Variants in COL6A5 observed in about 807,000 individuals in gnomAD.
COL6A5 encodes the protein collagen alpha-5(VI) chain.
A neutral mutation model predicts 65.6 loss-of-function variants in COL6A5; 48 were observed. The observed-to-expected ratio is 0.73, with a 90% CI of 0.58 to 0.93. The LOEUF is 0.93. Among genes scored for constraint, COL6A5 ranks in the 40% least tolerant of loss-of-function variants. The pLI, the probability that COL6A5 is intolerant of heterozygous loss-of-function variation, is 0.00. For missense variants in COL6A5, 914 were observed against 928.3 expected (o/e 0.98, Z 0.20); for synonymous variants, 291 against 322.8 (o/e 0.90, Z 1.05).
intron 20 of COL6A5, among the ~76,000 whole-genome samples, chr3:130,412,407 G>A (rs765736864): frequency 4.6e-5 from 7 of 152,178 alleles, no homozygotes; most frequent in Non-Finnish European, 7.4e-5. Context: ...ACCACACTGG[G>A]TGAGGTTTAT....
chr3:130,434,358 C>T (rs1464324449), intron 1 of COL6A5, among the ~76,000 whole-genome samples: 1 of 152,180 alleles, frequency 6.6e-6, no homozygotes, highest in Non-Finnish European at 1.5e-5. Flanking sequence ...TGGGTTGGTT[C>T]CATGTCTTTG....
chr3:130,357,723 T>C (rs1022452112), intron 1 of COL6A5, among the ~76,000 whole-genome samples: 16 of 152,228 alleles, frequency 1.1e-4, no homozygotes, highest in African/African-American at 3.9e-4. Flanking sequence ...AAAGCATATG[T>C]GATCATTGTA....
chr3:130,475,010 A>G (rs1376113338), intron 7 of COL6A5, among the ~76,000 whole-genome samples: 1 of 88,780 alleles, frequency 1.1e-5, no homozygotes, highest in Admixed American at 1.2e-4. Context: ...ATGTCTCCAA[A>G]AAAAAAAAAA....
Position 130,450,263 on chromosome 3 carries a change from G to A in COL6A5, c.1333-5192G>A, listed in dbSNP as rs189451349. Among the ~76,000 whole-genome samples, 806 of 152,206 alleles carry A rather than the reference G, an allele frequency of 5.3e-3. 12 individuals are homozygous for A. Among genetic ancestry groups the A allele is most frequent in the African/African-American group, 0.019 (777 of 41,520 alleles). ...CCCGTTTCCCTGGTGTTGTGGCAGG[G>A]GGTTTCCATCTATATCATACTTAGA... On this transcript the variant is annotated intron_variant, in intron 4 of 7. Transcript: ENST00000512836.
chr3:130,364,480 C>G (rs1216756494), intron 1 of COL6A5, among the ~76,000 whole-genome samples: 1 of 152,052 alleles, frequency 6.6e-6, no homozygotes, highest in African/African-American at 2.4e-5. Flanking sequence ...AACAGTACAG[C>G]TAAATAGAGT....
intron 25 of COL6A5, among the ~76,000 whole-genome samples, chr3:130,419,329 G>A (rs989583475): frequency 6.6e-6 from 1 of 152,140 alleles, no homozygotes; most frequent in African/African-American, 2.4e-5. Flanking sequence ...ACATTTTTAT[G>A]CCTGCACTCT....
intron 7 of COL6A5, among the ~76,000 whole-genome samples, chr3:130,483,113 A>G (rs1370790590): frequency 6.6e-6 from 1 of 152,178 alleles, no homozygotes; most frequent in Non-Finnish European, 1.5e-5. Context: ...TGAATTTCAT[A>G]TCTAGCCAAA....
At chr3:130,406,478 T>A (rs1007666023) in intron 17 of COL6A5, among the ~76,000 whole-genome samples, 157 bp downstream of exon 17, 1 of 152,154 alleles carries the variant, frequency 6.6e-6, no homozygotes, top group African/African-American at 2.4e-5. Context: ...CATATCTGAT[T>A]GAAGCAAGGG....
intron 5 of COL6A5, among the ~76,000 whole-genome samples, 196 bp downstream of exon 5, chr3:130,385,560 T>G (rs536875207): frequency 6.6e-6 from 1 of 152,148 alleles, no homozygotes; most frequent in South Asian, 2.1e-4. Context: ...CTATAAACAG[T>G]TGCCCCAAGG....
chr3:130,415,706 A>G (rs1035929579), exon 23 of COL6A5: 2 of 1,547,738 alleles, frequency 1.3e-6, no homozygotes, highest in Non-Finnish European at 1.7e-6. Context: ...AAAGGACCTC[A>G]GGTGAGTGAC....
chr3:130,452,292 C>T (rs571671996), intron 4 of COL6A5, among the ~76,000 whole-genome samples: 2 of 152,066 alleles, frequency 1.3e-5, no homozygotes, highest in Non-Finnish European at 1.5e-5. Context: ...AGAAAGACCA[C>T]ATGGGCACCA....
At chr3:130,411,187 CT>C (rs1452452763) in intron 20 of COL6A5, among the ~76,000 whole-genome samples, 2 of 152,112 alleles carry the variant, frequency 1.3e-5, no homozygotes, top group Non-Finnish European at 2.9e-5. Context: ...ACTTCCATAT[CT>C]TTTTAAAAGG....
chr3:130,474,798 A>G (rs951099711), intron 7 of COL6A5, among the ~76,000 whole-genome samples: 1 of 151,968 alleles, frequency 6.6e-6, no homozygotes, highest in African/African-American at 2.4e-5. Context: ...ACTTGAGCCC[A>G]GGATTTTGAG....
intron 5 of COL6A5, among the ~76,000 whole-genome samples, chr3:130,466,698 A>G (rs1709825956): frequency 6.6e-6 from 1 of 151,982 alleles, no homozygotes; most frequent in African/African-American, 2.4e-5. Flanking sequence ...GAGAAGATCA[A>G]TAAAATTGAT....
chr3:130,395,360 G>C (rs1450677704), exon 8 of COL6A5: 4 of 1,547,696 alleles, frequency 2.6e-6, no homozygotes, highest in Non-Finnish European at 3.5e-6. Context: ...GCCAATAACA[G>C]GCAATTCTGA....
At chr3:130,479,168 T>G (rs369847390) in intron 7 of COL6A5, among the ~76,000 whole-genome samples, 3 of 151,926 alleles carry the variant, frequency 2.0e-5, no homozygotes, top group East Asian at 3.9e-4. Flanking sequence ...ATCAGTGTCC[T>G]TATAATAAAG....
At chr3:130,423,968 A>T in intron 29 of COL6A5, 68 bp downstream of exon 29, 1 of 1,230,942 alleles carries the variant, frequency 8.1e-7, no homozygotes, top group Non-Finnish European at 1.2e-6. Flanking sequence ...AAGGGCACAG[A>T]ATTTAAAGTC....
exon 8 of COL6A5, chr3:130,395,208 A>T (rs1483520408): frequency 1.3e-6 from 2 of 1,551,686 alleles, no homozygotes; most frequent in Non-Finnish European, 1.7e-6. Flanking sequence ...GGGAGAAGAA[A>T]TGCTGGTGTC....
At chr3:130,391,790 C>A (rs1936413047) in intron 7 of COL6A5, 36 bp downstream of exon 7, 2 of 1,449,142 alleles carry the variant, frequency 1.4e-6, no homozygotes, top group Non-Finnish European at 9.3e-7. Context: ...ATGGGGGTAG[C>A]AATAAAAGTT....
Sources: allele counts gnomAD v4.1 joint callset (sites outside exome capture counted in the v4.1 genomes callset), GRCh38; gene constraint gnomAD v4.1.1; transcripts MANE v1.5; gene names NCBI Gene and HGNC (gene_info 2026-07-23, HGNC 2026-07-21).